The following GIMAP8 variants were observed in gnomAD, a reference collection of about 807,000 sequenced individuals.
GIMAP8 encodes GTPase IMAP family member 8.
In GIMAP8, 29 loss-of-function variants were observed where a neutral mutation model predicts 35.6. The observed-to-expected ratio is 0.81, with a 90% CI of 0.61 to 1.11. The LOEUF is 1.11. Ranked by LOEUF, GIMAP8 falls within the 50% of genes most tolerant of loss-of-function variation. GIMAP8 has a pLI of 0.00. For missense variants in GIMAP8, 811 were observed against 805.0 expected (o/e 1.01, Z -0.09); for synonymous variants, 335 against 308.7 (o/e 1.09, Z -0.89).
rs1026496326 is a variant in GIMAP8, at chr7:150,472,948, G to A, written c.683-1064G>A. ...ACTTCCGTGCTAGTCAGGTCCTAAG[G>A]GCTTTACAGGTGCTGTTTCCTTTAG... On this transcript the variant is annotated intron_variant, in intron 3 of 4. Coordinates refer to ENST00000307271, the MANE Select transcript of GIMAP8 (RefSeq NM_175571.4). This position sits in a 1 kb window ranked among gnomAD's most constrained non-coding sequence, Gnocchi z 4.1. 6.6e-6 allele frequency among the ~76,000 whole-genome samples: 1 copy of A among 152,180 alleles called. No individual in the cohort carries two copies. The highest frequency in any genetic ancestry group is 2.4e-5 in the African/African-American group (1 of 41,454).
At chr7:150,456,899 C>T (rs1277453756) in intron 1 of GIMAP8, among the ~76,000 whole-genome samples, 1 of 152,130 alleles carries the variant, frequency 6.6e-6, no homozygotes, top group Non-Finnish European at 1.5e-5. Context: ...TAAAGAATAT[C>T]TCTTTGATGT....
chr7:150,462,140 G>A (rs1024495396), intron 1 of GIMAP8, among the ~76,000 whole-genome samples: 2 of 152,130 alleles, frequency 1.3e-5, no homozygotes, highest in Non-Finnish European at 2.9e-5. Flanking sequence ...CTTAAGGGTG[G>A]GGGAGATAAC....
chr7:150,467,003 C>A lies in GIMAP8; in HGVS notation c.305C>A (p.Ala102Asp). ...CTCCATGCTCTGCTCTTGGTAATTG[C>A]CATCGGCCATTTCACAAGGGAGGAT... ...PSLHALLLVI[A>D]IGHFTREDEE... The change falls in exon 2 of 5, where the codon GCC (alanine) becomes GAC (aspartate). Residue 102 changes from alanine (A) to aspartate (D), a missense_variant. By Grantham distance (126) the Ala-to-Asp change is moderately radical. Transcript: ENST00000307271. 6.2e-7 allele frequency: 1 copy of A among 1,614,224 alleles called. No homozygotes were observed. Among genetic ancestry groups the A allele is most frequent in the Non-Finnish European group, 8.5e-7 (1 of 1,180,042 alleles).
chr7:150,477,092 A>G lies in GIMAP8; in HGVS notation c.1310A>G (p.Glu437Gly), dbSNP rs759052186. ...GNKHCVFREK[E>G]TLNIVLVGRS... ...AATCTTTCCCACTTTCCTTTGACAG[A>G]AACCCTGAACATTGTCCTTGTGGGG... The change falls in exon 5 of 5, where the codon GAA becomes GGA. Residue 437 changes from glutamate to glycine, a missense_variant and splice_region_variant. Glu to Gly is a moderately conservative substitution (Grantham distance 98). Transcript: ENST00000307271. 5 of 1,593,770 alleles carry G rather than the reference A, an allele frequency of 3.1e-6. No homozygotes were observed.
rs756911801 is a variant in GIMAP8 at position 150,467,232 on chromosome 7, G to T, written c.534G>T (p.Gln178His). Reference sequence around the variant, plus strand: ...ACAAGACCAATAGTAAGGATGAGCAGATCACCCAGGTGTTGGAGCTCCTTC... The same window carrying T: ...ACAAGACCAATAGTAAGGATGAGCATATCACCCAGGTGTTGGAGCTCCTTC... ...FNNKTNSKDE[Q>H]ITQVLELLRK... The change falls in exon 2 of 5, where the codon CAG (glutamine) becomes CAT (histidine). Residue 178 changes from glutamine to histidine, a missense_variant. Transcript: ENST00000307271. The T allele has an allele frequency of 1.2e-6, 2 of 1,614,254 alleles. No homozygotes were observed. The highest frequency in any genetic ancestry group is 2.2e-5 in the South Asian group (2 of 91,084).
Position 150,454,145 on chromosome 7 carries a change from C to T in GIMAP8, c.-29+2970C>T, listed in dbSNP as rs62501489. Among the ~76,000 whole-genome samples the T allele has an allele frequency of 4.0e-5, 6 of 151,604 alleles. No individual in the cohort carries two copies. In the East Asian group the frequency reaches 7.8e-4, roughly 20 times the overall value. On this transcript the variant is annotated intron_variant, in intron 1 of 4. Transcript: ENST00000307271. ...AGCGCAGGCTGATGTGACTATGGCA[C>T]ACAATGTGAGGGGAAGGGGGTGGGA...
intron 3 of GIMAP8, among the ~76,000 whole-genome samples, chr7:150,471,161 T>C (rs1802082165): frequency 6.6e-6 from 1 of 152,226 alleles, no homozygotes; most frequent in South Asian, 2.1e-4. Context: ...GACTCTTCTT[T>C]CTGGCCTTGG....
At chr7:150,453,148 A>C (rs1353338785) in intron 1 of GIMAP8, among the ~76,000 whole-genome samples, 1 of 152,160 alleles carries the variant, frequency 6.6e-6, no homozygotes, top group Non-Finnish European at 1.5e-5. Context: ...AAATAATATC[A>C]GATAGAATCA....
chr7:150,453,807 G>T (rs1026495660), intron 1 of GIMAP8, among the ~76,000 whole-genome samples: 2 of 152,052 alleles, frequency 1.3e-5, no homozygotes, highest in Admixed American at 1.3e-4. Context: ...GTACGGGGCG[G>T]GGGGCACAGA....
In GIMAP8 at chr7:150,450,870, CCA is replaced by C. The variant is rs1391925618; in HGVS notation, c.-332_-331del. On this transcript the variant is annotated 5_prime_UTR_variant, in exon 1 of 5. Transcript: ENST00000307271. The surrounding 1 kb of genome is among the most constrained non-coding windows in gnomAD (Gnocchi z 4.4). ...CCTCAGTTTCTGCTGTGTTGTGACCCCACGAGGCGCTCAGCACCCAGGGAAGG... is the reference window on the plus strand; with the variant it reads ...CCTCAGTTTCTGCTGTGTTGTGACCCCGAGGCGCTCAGCACCCAGGGAAGG... 2 of 152,580 alleles carry C rather than the reference CCA, an allele frequency of 1.3e-5. No individual in the cohort carries two copies. The highest frequency in any genetic ancestry group is 4.8e-5 in the African/African-American group (2 of 41,468). The allele number at this position is 152,580 out of a possible 1,614,324, so 9.5% of individuals were successfully genotyped here.
chr7:150,453,662 C>T (rs1486474598), intron 1 of GIMAP8, among the ~76,000 whole-genome samples: 1 of 152,248 alleles, frequency 6.6e-6, no homozygotes, highest in Non-Finnish European at 1.5e-5. Context: ...CAGATACTTT[C>T]TTTATGTTGT....
chr7:150,468,531 A>C (rs1297037956), intron 2 of GIMAP8, among the ~76,000 whole-genome samples: 1 of 152,192 alleles, frequency 6.6e-6, no homozygotes, highest in Non-Finnish European at 1.5e-5. Flanking sequence ...CTATGGAATA[A>C]ATTCTATCTA....
chr7:150,474,081 T>A lies in GIMAP8; in HGVS notation c.752T>A (p.Leu251His), dbSNP rs1802165016. 1 of 1,614,190 alleles carries A rather than the reference T, an allele frequency of 6.2e-7. No homozygotes were observed. Among genetic ancestry groups the A allele is most frequent in the Non-Finnish European group, 8.5e-7 (1 of 1,180,032 alleles). Reference protein sequence around the residue: ...QNPGTSELTVLLVGKRGAGKS... With the variant: ...QNPGTSELTVHLVGKRGAGKS... ...CCGGGGACATCAGAACTGACAGTCC[T>A]CCTTGTGGGGAAACGCGGTGCTGGA... The change falls in exon 4 of 5, where the codon CTC (leucine) becomes CAC (histidine). Residue 251 changes from leucine to histidine, a missense_variant. Physicochemically the swap from Leu to His is moderately conservative, Grantham distance 99. Coordinates refer to ENST00000307271, the MANE Select transcript of GIMAP8 (RefSeq NM_175571.4).
At chr7:150,465,450 T>C (rs1801933967) in intron 1 of GIMAP8, among the ~76,000 whole-genome samples, 1 of 152,202 alleles carries the variant, frequency 6.6e-6, no homozygotes, top group Non-Finnish European at 1.5e-5. Context: ...GGAGTTTTTT[T>C]CCTCGCAGCG....
Position 150,477,385 on chromosome 7 carries a change from G to A in GIMAP8, c.1603G>A (p.Gly535Arg), listed in dbSNP as rs1802258325. ...ATTTTTTGTCCTGGTGTTCCAGCTG[G>A]GACGATTCACTGAAGAGGACAAAAC... ...DTFFVLVFQL[G>R]RFTEEDKTAV... Residue 535 changes from glycine (G) to arginine (R), a missense_variant, in exon 5 of 5, where the codon GGA becomes AGA. Physicochemically the swap from Gly to Arg is moderately radical, Grantham distance 125. Transcript: ENST00000307271. 1 of 1,614,070 alleles carries A rather than the reference G, an allele frequency of 6.2e-7. No homozygotes were observed. Among genetic ancestry groups the A allele is most frequent in the South Asian group, 1.1e-5 (1 of 91,092 alleles).
At chr7:150,455,886 G>T (rs561488830) in intron 1 of GIMAP8, among the ~76,000 whole-genome samples, 1 of 152,326 alleles carries the variant, frequency 6.6e-6, no homozygotes, top group South Asian at 2.1e-4. Flanking sequence ...GGAGCTCAGT[G>T]ACAGCAGCAG....
At chr7:150,474,881 C>A (rs190469485) in intron 4 of GIMAP8, among the ~76,000 whole-genome samples, 3,081 of 151,936 alleles carry the variant, frequency 0.02, 102 homozygotes, top group African/African-American at 0.071. Context: ...CCACTCCCCC[C>A]ACCCCACAAC....
Position 150,451,346 on chromosome 7 carries a change from G to A in GIMAP8, c.-29+171G>A, listed in dbSNP as rs1362633607. ...GGAGGATGGGCTTGGCACCGGGAAG[G>A]CAGCCTGCTCAGCCATGGGAGAGGA... On this transcript the variant is annotated intron_variant, in intron 1 of 4. Transcript: ENST00000307271. This position sits in a 1 kb window ranked among gnomAD's most constrained non-coding sequence, Gnocchi z 4.1. Among the ~76,000 whole-genome samples the A allele has an allele frequency of 6.6e-6, 1 of 152,220 alleles. No individual in the cohort carries two copies. The highest frequency in any genetic ancestry group is 1.5e-5 in the Non-Finnish European group (1 of 68,038).
chr7:150,473,067 G>A (rs184942750), intron 3 of GIMAP8, among the ~76,000 whole-genome samples: 283 of 152,260 alleles, frequency 1.9e-3, no homozygotes, highest in African/African-American at 6.4e-3. Context: ...ATACAGCAAG[G>A]GCCTTTGATG....
Sources: gnomAD v4.1 joint callset for allele counts (sites outside exome capture counted in the v4.1 genomes callset) on GRCh38, gnomAD v4.1.1 for gene constraint, Gnocchi (gnomAD v3.1) non-coding constraint, MANE v1.5 for transcripts, NCBI Gene and HGNC (gene_info 2026-07-23, HGNC 2026-07-21) for gene names.